The following GLYATL1 variants were observed in gnomAD, a reference collection of about 807,000 sequenced individuals.
The protein encoded by GLYATL1 is glycine-N-acyltransferase like 1.
GLYATL1 carries 15 observed loss-of-function variants against 20.0 expected under a neutral mutation model. The ratio of observed to expected loss-of-function variants is 0.75; its 90% confidence interval spans 0.50 to 1.15. GLYATL1 has a LOEUF of 1.15. Among genes scored for constraint, GLYATL1 ranks in the 50% most tolerant of loss-of-function variants. The pLI is 0.00. For missense variants in GLYATL1, 380 were observed against 368.5 expected (o/e 1.03, Z -0.26); for synonymous variants, 151 against 131.5 (o/e 1.15, Z -1.01).
At chr11:58,928,120 A>T (rs1314793006) in intron 1 of GLYATL1, among the ~76,000 whole-genome samples, 3 of 152,202 alleles carry the variant, frequency 2.0e-5, no homozygotes, top group African/African-American at 7.2e-5. Context: ...TTTGCATTAC[A>T]GCAATTTGTC....
intron 1 of GLYATL1, among the ~76,000 whole-genome samples, chr11:58,931,667 T>C (rs1760214092): frequency 6.6e-6 from 1 of 152,052 alleles, no homozygotes; most frequent in Non-Finnish European, 1.5e-5. Context: ...TGTAATGACA[T>C]AAAAAGATTA....
intron 1 of GLYATL1, among the ~76,000 whole-genome samples, chr11:58,940,098 G>C (rs1304932968): frequency 6.6e-6 from 1 of 152,140 alleles, no homozygotes; most frequent in Non-Finnish European, 1.5e-5. Context: ...CCCCAGTATA[G>C]TTTGGAATCT....
exon 1 of GLYATL1, chr11:58,905,626 G>A (rs1333384621): frequency 2.2e-6 from 1 of 456,302 alleles, no homozygotes; most frequent in Non-Finnish European, 4.4e-6. Flanking sequence ...CCGATGAGCA[G>A]GAAGAAGCAG....
At chr11:58,915,199 C>T (rs1202967412) in intron 1 of GLYATL1, among the ~76,000 whole-genome samples, 1 of 152,232 alleles carries the variant, frequency 6.6e-6, no homozygotes, top group Non-Finnish European at 1.5e-5. Context: ...GCCAGTCACA[C>T]ATAAACTCTT....
At chr11:58,947,213 AT>A in intron 3 of GLYATL1, 48 bp downstream of exon 3, 16 of 1,585,946 alleles carry the variant, frequency 1.0e-5, no homozygotes, top group Non-Finnish European at 1.4e-5. Context: ...GGTGTTGAGG[AT>A]GAGAAAATAG....
chr11:58,920,739 T>C (rs886249505), intron 1 of GLYATL1, among the ~76,000 whole-genome samples: 2 of 152,228 alleles, frequency 1.3e-5, no homozygotes, highest in African/African-American at 4.8e-5. Flanking sequence ...TTTTTGGATG[T>C]GATAACCTAA....
downstream of GLYATL1, among the ~76,000 whole-genome samples, chr11:58,910,677 C>A (rs1855018984): frequency 6.6e-6 from 1 of 151,958 alleles, no homozygotes; most frequent in African/African-American, 2.4e-5. Context: ...GGCAACAAAG[C>A]AAGGGAATAA....
chr11:58,935,211 CT>C (rs1855775048), upstream of GLYATL1: 1 of 152,390 alleles, frequency 6.6e-6, no homozygotes, highest in Non-Finnish European at 1.5e-5. Flanking sequence ...CCAGGCAAGC[CT>C]GGAGCCTGGG....
intron 5 of GLYATL1, 93 bp from the exon 6 acceptor site, chr11:58,955,083 G>A: frequency 7.6e-7 from 1 of 1,315,304 alleles, no homozygotes; most frequent in Non-Finnish European, 1.1e-6. Context: ...TCAAGTTTGA[G>A]AACTACTAAG....
At chr11:58,950,562 G>A (rs929239268) in intron 4 of GLYATL1, among the ~76,000 whole-genome samples, 34 of 152,044 alleles carry the variant, frequency 2.2e-4, no homozygotes, top group Non-Finnish European at 4.0e-4. Flanking sequence ...TTATATCCTG[G>A]AAATTTTTCT....
At chr11:58,921,700 G>T (rs1206292257) in intron 1 of GLYATL1, among the ~76,000 whole-genome samples, 1 of 152,156 alleles carries the variant, frequency 6.6e-6, no homozygotes, top group Non-Finnish European at 1.5e-5. Context: ...TTCCTGTGAG[G>T]TCTGCCGCTG....
At chr11:58,919,911 G>T (rs1033989059) in intron 1 of GLYATL1, among the ~76,000 whole-genome samples, 2 of 152,084 alleles carry the variant, frequency 1.3e-5, no homozygotes, top group Non-Finnish European at 1.5e-5. Context: ...TCACAAACCT[G>T]GGGGCCACCA....
At chr11:58,947,361 G>A (rs1307620470) in intron 3 of GLYATL1, 196 bp downstream of exon 3, 11 of 703,214 alleles carry the variant, frequency 1.6e-5, no homozygotes, top group Non-Finnish European at 2.3e-5. Flanking sequence ...CACTCTGCAG[G>A]TTTTGCCACT....
rs1349026265 is a variant in GLYATL1 at position 58,956,032 on chromosome 11, T to C, written c.*5T>C. 10 of 1,605,896 alleles carry C rather than the reference T, an allele frequency of 6.2e-6. No homozygotes were observed. The highest frequency in any genetic ancestry group is 3.4e-4 in the Middle Eastern group (2 of 5,836). On this transcript the variant is annotated 3_prime_UTR_variant, in exon 7 of 7. Coordinates refer to ENST00000532726, the MANE Select transcript of GLYATL1 (RefSeq NM_001389712.2). ...CAGAATCTAGTTCCATTTTAGACAA[T>C]GAAGCTGCTTAGTAATCTCTGCCAA...
At chr11:58,953,480 C>G (rs547318060) in intron 4 of GLYATL1, among the ~76,000 whole-genome samples, 3 of 142,850 alleles carry the variant, frequency 2.1e-5, no homozygotes, top group African/African-American at 7.8e-5. Context: ...TTCTTCTTCT[C>G]TCTCTGTTTT....
intron 1 of GLYATL1, among the ~76,000 whole-genome samples, chr11:58,932,331 G>A (rs1410775797): frequency 1.3e-5 from 2 of 152,060 alleles, no homozygotes; most frequent in Non-Finnish European, 2.9e-5. Context: ...TTTCTCACTG[G>A]TTGAGGTGCA....
intron 1 of GLYATL1, among the ~76,000 whole-genome samples, chr11:58,914,158 G>C (rs1855113263): frequency 6.6e-6 from 1 of 152,176 alleles, no homozygotes; most frequent in African/African-American, 2.4e-5. Context: ...GTTCTGTGCT[G>C]TTCCAGACCC....
At chr11:58,955,397 A>G in intron 6 of GLYATL1, 44 bp downstream of exon 6, 1 of 1,541,824 alleles carries the variant, frequency 6.5e-7, no homozygotes, top group Non-Finnish European at 8.9e-7. Flanking sequence ...GATTCCTTGT[A>G]CATTTTTGTA....
At chr11:58,921,247 G>A (rs1855302041) in intron 1 of GLYATL1, among the ~76,000 whole-genome samples, 1 of 152,178 alleles carries the variant, frequency 6.6e-6, no homozygotes, top group Admixed American at 6.5e-5. Context: ...ACAAACAGCT[G>A]AGACTCCAGT....
Sources: allele counts gnomAD v4.1 joint callset (sites outside exome capture counted in the v4.1 genomes callset), GRCh38; gene constraint gnomAD v4.1.1; transcripts MANE v1.5; gene names NCBI Gene and HGNC (gene_info 2026-07-23, HGNC 2026-07-21).